Variants in SLX4IP observed in about 807,000 individuals in gnomAD.
The protein encoded by SLX4IP is SLX4 interacting protein.
SLX4IP carries 34 observed loss-of-function variants against 32.9 expected under a neutral mutation model. The observed-to-expected ratio is 1.03, with a 90% CI of 0.79 to 1.38. The LOEUF is 1.38. Ranked by LOEUF, SLX4IP falls within the 40% of genes most tolerant of loss-of-function variation. The pLI is 0.00. For missense variants in SLX4IP, 444 were observed against 479.0 expected, an observed-to-expected ratio of 0.93 and a Z score of 0.68; for synonymous variants, 172 against 171.7, an observed-to-expected ratio of 1.00 and a Z score of -0.01.
At chr20:10,570,314 C>T (rs2066446772) in intron 4 of SLX4IP, among the ~76,000 whole-genome samples, 1 of 152,210 alleles carries the variant, frequency 6.6e-6, no homozygotes, top group Admixed American at 6.5e-5. Flanking sequence ...GGGGACATCC[C>T]TCACCCACAA....
rs1555807614 is a variant in SLX4IP at position 10,479,352 on chromosome 20, C to CTTTTTTCTTTTTTTTTTTT, written c.27+21127_27+21128insCTTTTTTTTTTTTTTTTTT. On this transcript the variant is annotated intron_variant, in intron 2 of 7. Transcript: ENST00000334534. The stretch of plus-strand genomic sequence containing the variant: ...TTCTCATCGCTCAAATTCCATATTT[C>CTTTTTTCTTTTTTTTTTTT]TTTTTTTTTTTTTTTTTTGAGATGG... Among the ~76,000 whole-genome samples, 3 of 73,726 alleles carry CTTTTTTCTTTTTTTTTTTT rather than the reference C, an allele frequency of 4.1e-5. 1 individual carries two copies. Among genetic ancestry groups the CTTTTTTCTTTTTTTTTTTT allele is most frequent in the African/African-American group, 3.9e-5 (1 of 25,328 alleles). The allele number at this position is 73,726 out of a possible 152,430, so 48.4% of individuals were successfully genotyped here.
intron 6 of SLX4IP, chr20:10,613,192 C>T: frequency 1.9e-6 from 1 of 530,342 alleles, no homozygotes; most frequent in Non-Finnish European, 3.4e-6. Context: ...CACTGCCTCC[C>T]TCCACCCTCC....
chr20:10,527,245 G>T (rs555637069), intron 2 of SLX4IP, among the ~76,000 whole-genome samples: 1 of 152,160 alleles, frequency 6.6e-6, no homozygotes, highest in Non-Finnish European at 1.5e-5. Context: ...AAGCCAGCTC[G>T]CCCATGAGGG....
At chr20:10,612,344 C>T (rs1185622874) in intron 6 of SLX4IP, among the ~76,000 whole-genome samples, 3 of 152,134 alleles carry the variant, frequency 2.0e-5, no homozygotes, top group African/African-American at 7.2e-5. Context: ...AACATGAGAC[C>T]TTAGACTCCA....
intron 1 of SLX4IP, among the ~76,000 whole-genome samples, chr20:10,455,579 T>TTTTATTTATTTATTTA (rs142542742): frequency 1.6e-3 from 230 of 144,994 alleles, no homozygotes; most frequent in East Asian, 3.2e-3. Flanking sequence ...CCTGTATGTC[T>TTTTATTTATTTATTTA]TTTATTTATT....
rs576544966 is a variant in SLX4IP at position 10,489,762 on chromosome 20, C to T, written c.27+31531C>T. Among the ~76,000 whole-genome samples the T allele has an allele frequency of 3.9e-3, 588 of 152,246 alleles. 3 individuals are homozygous for T. The highest frequency in any genetic ancestry group is 4.0e-3 in the Non-Finnish European group (275 of 68,018). ...TGGCTTCTATTTCCTTTGTACTCCT[C>T]AGTGAGAGGGAAAGGGAAATGGTTA... On this transcript the variant is annotated intron_variant, in intron 2 of 7. Coordinates refer to ENST00000334534, the MANE Select transcript of SLX4IP (RefSeq NM_001009608.3).
chr20:10,563,549 C>T (rs2066355579), intron 4 of SLX4IP, among the ~76,000 whole-genome samples: 1 of 152,028 alleles, frequency 6.6e-6, no homozygotes, highest in African/African-American at 2.4e-5. Flanking sequence ...GTCTTAAATT[C>T]AAGTCTTTAA....
At chr20:10,497,907 A>G (rs2065682304) in intron 2 of SLX4IP, among the ~76,000 whole-genome samples, 1 of 151,716 alleles carries the variant, frequency 6.6e-6, no homozygotes, top group Non-Finnish European at 1.5e-5. Flanking sequence ...TGCTTTTTCT[A>G]AAAAATGGCC....
In SLX4IP at chr20:10,437,536, C is replaced by T. The variant is rs59766699; in HGVS notation, c.-30+2083C>T. 4.4e-3 allele frequency among the ~76,000 whole-genome samples: 676 copies of T among 152,258 alleles called. 7 individuals carry two copies. Among genetic ancestry groups the T allele is most frequent in the African/African-American group, 0.015 (641 of 41,542 alleles). Reference sequence around the variant, plus strand: ...TTAAAATAATCGGGATTTTGAAAACCATGAAAAGATCTGGATTAAGAATGT... The same window carrying T: ...TTAAAATAATCGGGATTTTGAAAACTATGAAAAGATCTGGATTAAGAATGT... On this transcript the variant is annotated intron_variant, in intron 1 of 7. Transcript: ENST00000334534.
intron 4 of SLX4IP, among the ~76,000 whole-genome samples, chr20:10,573,254 G>T (rs1232028080): frequency 7.9e-5 from 12 of 152,122 alleles, no homozygotes; most frequent in Non-Finnish European, 1.6e-4. Flanking sequence ...CCTTTTGAGA[G>T]CCCAGCCCTT....
intron 6 of SLX4IP, among the ~76,000 whole-genome samples, chr20:10,618,526 G>A (rs2067065708): frequency 6.6e-6 from 1 of 152,212 alleles, no homozygotes; most frequent in Non-Finnish European, 1.5e-5. Context: ...CTTCCAGGTT[G>A]TAAGGAATCA....
intron 4 of SLX4IP, among the ~76,000 whole-genome samples, chr20:10,593,459 G>A (rs1049699018): frequency 6.6e-6 from 1 of 152,150 alleles, no homozygotes; most frequent in South Asian, 2.1e-4. Flanking sequence ...GCTTAGCTGG[G>A]TGCAGTGGCT....
intron 2 of SLX4IP, among the ~76,000 whole-genome samples, chr20:10,527,324 ACT>A (rs1470918632): frequency 6.6e-6 from 1 of 152,128 alleles, no homozygotes; most frequent in Non-Finnish European, 1.5e-5. Context: ...ACGAAGAACA[ACT>A]CTGGCAGGAA....
chr20:10,518,540 TCC>T (rs754293124), intron 2 of SLX4IP, among the ~76,000 whole-genome samples: 8,328 of 105,774 alleles, frequency 0.079, 804 homozygotes, highest in Middle Eastern at 0.12. Flanking sequence ...CTTCCTTCCT[TCC>T]TTCCTTCCTT....
intron 1 of SLX4IP, among the ~76,000 whole-genome samples, chr20:10,440,954 G>A (rs2065155717): frequency 1.3e-5 from 2 of 152,138 alleles, no homozygotes; most frequent in Admixed American, 6.5e-5. Flanking sequence ...CCTTACAGGA[G>A]CCATGAAATA....
chr20:10,585,649 T>C (rs1420906508), intron 4 of SLX4IP, among the ~76,000 whole-genome samples: 1 of 151,918 alleles, frequency 6.6e-6, no homozygotes, highest in African/African-American at 2.4e-5. Context: ...CGCAGTGGCA[T>C]GATCTTGGCT....
intron 2 of SLX4IP, among the ~76,000 whole-genome samples, chr20:10,526,600 C>T (rs961653995): frequency 3.9e-5 from 6 of 152,120 alleles, no homozygotes; most frequent in Non-Finnish European, 8.8e-5. Flanking sequence ...TTGCCACAAA[C>T]CAAGTGGTTT....
intron 2 of SLX4IP, among the ~76,000 whole-genome samples, chr20:10,494,858 G>T (rs1395214084): frequency 6.6e-6 from 1 of 152,080 alleles, no homozygotes; most frequent in Non-Finnish European, 1.5e-5. Flanking sequence ...GTGGAGTGAT[G>T]GAGAGATGGC....
chr20:10,506,880 G>A (rs1232823653), intron 2 of SLX4IP, among the ~76,000 whole-genome samples: 3 of 152,160 alleles, frequency 2.0e-5, no homozygotes, highest in African/African-American at 7.2e-5. Flanking sequence ...TTATTTTCCC[G>A]ACTTTATTGG....
Sources: gnomAD v4.1 joint callset for allele counts (sites outside exome capture counted in the v4.1 genomes callset) on GRCh38, gnomAD v4.1.1 for gene constraint, MANE v1.5 for transcripts, NCBI Gene and HGNC (gene_info 2026-07-23, HGNC 2026-07-21) for gene names.